The following LRRIQ1 variants were observed in gnomAD, a reference collection of about 807,000 sequenced individuals.
The protein encoded by LRRIQ1 is leucine-rich repeat- and IQ domain-containing protein 1.
In LRRIQ1, 210 loss-of-function variants were observed where a neutral mutation model predicts 211.9. That is an observed-to-expected ratio of 0.99 (90% CI 0.89 to 1.11). The LOEUF (loss-of-function observed/expected upper bound fraction) is 1.11, where lower values mean the gene tolerates loss of function less well. LRRIQ1 is among the 50% of genes most tolerant of loss of function. The probability of loss-of-function intolerance (pLI) is 0.00; values close to 1 mark genes in which losing one functional copy is unlikely to be tolerated. For synonymous variants in LRRIQ1, 699 were observed against 650.1 expected (o/e 1.08, Z -1.14); for missense variants, 2,136 against 1,939.5 (o/e 1.10, Z -1.90).
At position 85,124,649 on chromosome 12, in the gene LRRIQ1, A is replaced by G. The variant is rs1040003993; in HGVS notation, c.4007+130A>G. The G allele has an allele frequency of 1.5e-5, 11 of 717,930 alleles. No individual in the cohort carries two copies. The African/African-American group carries it at 1.8e-4, about 12-fold the overall frequency. The allele number at this position is 717,930 out of a possible 1,614,324, so 44.5% of individuals were successfully genotyped here. A position where few individuals can be genotyped will look rare whatever the true frequency, so the allele number is the denominator to read the frequency against. ...AATCATATTTCATACCGATTCCATT[A>G]TGTTTTCGTGAGGTGCATTATGTTT... is the stretch of plus-strand genomic sequence containing the variant. On this transcript the variant is annotated intron_variant, in intron 17 of 26. Coordinates refer to ENST00000393217, the MANE Select transcript of LRRIQ1 (RefSeq NM_001079910.2).
chr12:85,217,993 A>T lies in LRRIQ1; in HGVS notation c.4823-11524A>T, dbSNP rs370908407. On this transcript the variant is annotated intron_variant, in intron 24 of 26. Coordinates refer to ENST00000393217, the MANE Select transcript of LRRIQ1 (RefSeq NM_001079910.2). The stretch of plus-strand genomic sequence containing the variant: ...GATAGAGGAATATTTTTCAAGGATA[A>T]TTAAATTGAGATGGTGAAACAGGAG... Among the ~76,000 whole-genome samples the T allele has an allele frequency of 3.9e-5, 6 of 151,956 alleles. No homozygotes were observed. The South Asian group carries it at 8.3e-4, about 21-fold the overall frequency.
chr12:85,190,026 A>G (rs1190870171), intron 24 of LRRIQ1, among the ~76,000 whole-genome samples: 1 of 141,866 alleles, frequency 7.0e-6, no homozygotes, highest in South Asian at 2.2e-4. Flanking sequence ...AATTTTAATT[A>G]TATATAATAT....
At chr12:85,039,096 A>G (rs913091819) in intron 2 of LRRIQ1, among the ~76,000 whole-genome samples, 1 of 151,312 alleles carries the variant, frequency 6.6e-6, no homozygotes, top group African/African-American at 2.4e-5. Flanking sequence ...TTGTTACATT[A>G]TTATGTCTTT....
At chr12:85,198,026 T>C (rs1213757440) in intron 24 of LRRIQ1, among the ~76,000 whole-genome samples, 1 of 71,682 alleles carries the variant, frequency 1.4e-5, no homozygotes, top group Non-Finnish European at 2.2e-5. Flanking sequence ...TATATTATTA[T>C]ATATAACATA....
At chr12:85,100,311 CT>C (rs1886250229) in intron 13 of LRRIQ1, among the ~76,000 whole-genome samples, 3 of 151,642 alleles carry the variant, frequency 2.0e-5, no homozygotes, top group Admixed American at 2.0e-4. Context: ...TTAATACTAG[CT>C]GATAGACTTT....
intron 13 of LRRIQ1, among the ~76,000 whole-genome samples, chr12:85,101,358 G>A (rs1181052766): frequency 6.6e-6 from 1 of 151,700 alleles, no homozygotes; most frequent in Non-Finnish European, 1.5e-5. Context: ...TGACTTAGTG[G>A]AGTTCTAACT....
chr12:85,138,540 C>G (rs1889298740), intron 19 of LRRIQ1, among the ~76,000 whole-genome samples: 1 of 151,372 alleles, frequency 6.6e-6, no homozygotes, highest in Non-Finnish European at 1.5e-5. Context: ...GTGTTCTTCT[C>G]AATGTATCAC....
At chr12:85,086,783 C>T (rs2136202020) in intron 11 of LRRIQ1, among the ~76,000 whole-genome samples, 1 of 152,058 alleles carries the variant, frequency 6.6e-6, no homozygotes, top group African/African-American at 2.4e-5. Context: ...GTTATAGAAA[C>T]AAGTCTGTCT....
At chr12:85,099,573 A>G (rs922198915) in intron 13 of LRRIQ1, among the ~76,000 whole-genome samples, 5 of 151,840 alleles carry the variant, frequency 3.3e-5, no homozygotes, top group Non-Finnish European at 5.9e-5. Context: ...AACTGGCTAA[A>G]CCAAAGCAGG....
chr12:85,207,784 G>C (rs1212042959), intron 24 of LRRIQ1, among the ~76,000 whole-genome samples: 1 of 152,064 alleles, frequency 6.6e-6, no homozygotes, highest in Non-Finnish European at 1.5e-5. Context: ...GATGAAAAAA[G>C]TATTTTTTTC....
At chr12:85,181,480 G>T (rs1045768457) in intron 24 of LRRIQ1, among the ~76,000 whole-genome samples, 3 of 151,662 alleles carry the variant, frequency 2.0e-5, no homozygotes, top group Non-Finnish European at 2.9e-5. Flanking sequence ...TTGTACCAAT[G>T]ACCTTAAATT....
At chr12:85,199,571 C>T (rs560031058) in intron 24 of LRRIQ1, among the ~76,000 whole-genome samples, 25 of 152,062 alleles carry the variant, frequency 1.6e-4, no homozygotes, top group African/African-American at 5.8e-4. Context: ...AAGAAATACC[C>T]GAGACTGGGT....
In LRRIQ1 at chr12:85,214,006, T is replaced by G. The variant is rs371762105; in HGVS notation, c.4823-15511T>G. Among the ~76,000 whole-genome samples the G allele has an allele frequency of 3.2e-4, 48 of 152,052 alleles. 1 individual carries two copies. The East Asian group carries it at 9.1e-3, about 29-fold the overall frequency. The stretch of plus-strand genomic sequence containing the variant: ...TAATAAAATAATATTGTGAACAACT[T>G]TATGTCAATGCATTTGAAAATTTAG... On this transcript the variant is annotated intron_variant, in intron 24 of 26. Coordinates refer to ENST00000393217, the MANE Select transcript of LRRIQ1 (RefSeq NM_001079910.2).
intron 21 of LRRIQ1, 77 bp from the exon 22 acceptor site, chr12:85,153,586 A>G (rs1890365209): frequency 2.2e-6 from 2 of 896,742 alleles, no homozygotes; most frequent in Non-Finnish European, 3.4e-6. Context: ...TTGAGACAAC[A>G]TAAACAGTTT....
intron 3 of LRRIQ1, among the ~76,000 whole-genome samples, chr12:85,041,108 T>A (rs1462801499): frequency 6.6e-6 from 1 of 151,740 alleles, no homozygotes; most frequent in Non-Finnish European, 1.5e-5. Context: ...CAAGACCTTT[T>A]TTGTTGACTA....
chr12:85,123,621 A>G (rs1297733683), intron 16 of LRRIQ1, among the ~76,000 whole-genome samples: 2 of 152,284 alleles, frequency 1.3e-5, no homozygotes. Flanking sequence ...ATAAATGGGA[A>G]TAAAAATTTT....
chr12:85,188,600 A>G (rs1892341910), intron 24 of LRRIQ1, among the ~76,000 whole-genome samples: 1 of 152,174 alleles, frequency 6.6e-6, no homozygotes, highest in African/African-American at 2.4e-5. Context: ...TAGTTAAAAT[A>G]TTGAAATACT....
chr12:85,187,939 C>G (rs1892307861), intron 24 of LRRIQ1, among the ~76,000 whole-genome samples: 1 of 151,802 alleles, frequency 6.6e-6, no homozygotes, highest in Non-Finnish European at 1.5e-5. Flanking sequence ...TAGACCTTAC[C>G]AAAGAACAAT....
rs115442419 is a variant in LRRIQ1 at position 85,154,632 on chromosome 12, T to C, written c.4720+538T>C. Among the ~76,000 whole-genome samples, 635 of 151,524 alleles carry C rather than the reference T, an allele frequency of 4.2e-3. 6 individuals carry two copies. The highest frequency in any genetic ancestry group is 0.015 in the African/African-American group (611 of 41,484). ...TTACAAGGCTACTCTTTAAATCATTTGTTTTTCTTTGGATACCTCTAATCA... is the reference window on the plus strand; with the variant it reads ...TTACAAGGCTACTCTTTAAATCATTCGTTTTTCTTTGGATACCTCTAATCA... On this transcript the variant is annotated intron_variant, in intron 23 of 26. Coordinates refer to ENST00000393217, the MANE Select transcript of LRRIQ1 (RefSeq NM_001079910.2).
Sources: allele counts gnomAD v4.1 joint callset (sites outside exome capture counted in the v4.1 genomes callset), GRCh38; gene constraint gnomAD v4.1.1; transcripts MANE v1.5; gene names NCBI Gene and HGNC (gene_info 2026-07-23, HGNC 2026-07-21).